The following ENOX2 variants were observed in gnomAD, a reference collection of about 807,000 sequenced individuals.
ENOX2 encodes the protein APK1 antigen.
ENOX2 carries 36 observed loss-of-function variants against 45.0 expected under a neutral mutation model. The observed-to-expected ratio is 0.80, with a 90% confidence interval of 0.61 to 1.06. The LOEUF (loss-of-function observed/expected upper bound fraction) is 1.06, where lower values mean the gene tolerates loss of function less well. Ranked by LOEUF, ENOX2 falls within the 50% of genes least tolerant of loss-of-function variation. The probability of loss-of-function intolerance (pLI) is 0.00; values close to 1 mark genes in which losing one functional copy is unlikely to be tolerated. For missense variants in ENOX2, 423 were observed against 462.5 expected (o/e 0.91, Z 0.78); for synonymous variants, 174 against 152.3 (o/e 1.14, Z -1.05).
intron 2 of ENOX2, among the ~76,000 whole-genome samples, chrX:130,857,546 TACTGTACA>T (rs1455185827): frequency 1.8e-5 from 2 of 112,107 alleles, no homozygotes; most frequent in Admixed American, 1.9e-4. Context: ...CCTAGAGATC[TACTGTACA>T]ACATAGCACC....
intron 2 of ENOX2, among the ~76,000 whole-genome samples, chrX:130,808,339 G>A (rs752265267): frequency 8.9e-6 from 1 of 112,138 alleles, no homozygotes; most frequent in East Asian, 2.8e-4. Flanking sequence ...GAAACATTTG[G>A]TGTCTCTTAC....
At position 130,656,627 on chromosome X, in the gene ENOX2, A is replaced by G; in HGVS notation, c.1083T>C (p.Asp361=). Residue 361 remains aspartate, a synonymous_variant, in exon 10 of 15, where the codon GAT becomes GAC. Coordinates refer to ENST00000394363, the MANE Select transcript of ENOX2 (RefSeq NM_006375.4). The stretch of plus-strand genomic sequence containing the variant: ...TTTCTGTCATTTCTTCTATTTCATC[A>G]TCAGACATTTCCATTTCTTCTTCTC... ...IRREEEMEMS[D]DEIEEMTETK... The G allele has an allele frequency of 1.7e-6, 2 of 1,180,852 alleles. No individual in the cohort carries two copies. The highest frequency in any genetic ancestry group is 2.3e-6 in the Non-Finnish European group (2 of 870,381).
intron 2 of ENOX2, among the ~76,000 whole-genome samples, chrX:130,844,261 T>A (rs1214559496): frequency 9.0e-6 from 1 of 111,704 alleles, no homozygotes; most frequent in Non-Finnish European, 1.9e-5. Flanking sequence ...CAAACCTCAC[T>A]TAGTCCCTCC....
chrX:130,645,636 G>C, intron 10 of ENOX2: 1 of 415,675 alleles, frequency 2.4e-6, no homozygotes, highest in Non-Finnish European at 4.1e-6. Flanking sequence ...GCCCGCGCCC[G>C]CCTGGAGGGA....
At chrX:130,823,048 A>G (rs888176921) in intron 2 of ENOX2, among the ~76,000 whole-genome samples, 2 of 111,894 alleles carry the variant, frequency 1.8e-5, no homozygotes, top group Non-Finnish European at 3.8e-5. Context: ...GGGTAGAGTG[A>G]CCATGCCTAT....
intron 4 of ENOX2, 30 bp downstream of exon 4, chrX:130,703,090 G>C: frequency 1.7e-6 from 2 of 1,181,037 alleles, no homozygotes; most frequent in Non-Finnish European, 2.3e-6. Context: ...ATAAAAATAA[G>C]CACTTGCGAG....
chrX:130,656,226 C>G (rs923376153), intron 10 of ENOX2, among the ~76,000 whole-genome samples: 1 of 112,601 alleles, frequency 8.9e-6, no homozygotes, highest in African/African-American at 3.2e-5. Flanking sequence ...ATCTGTTGTT[C>G]AAAAAGTTTG....
intron 2 of ENOX2, among the ~76,000 whole-genome samples, chrX:130,839,278 C>T (rs901205949): frequency 9.0e-6 from 1 of 111,517 alleles, no homozygotes; most frequent in Non-Finnish European, 1.9e-5. Flanking sequence ...TGCCACTAAC[C>T]TACCTAGTGT....
Position 130,635,083 on chromosome X carries a change from G to C in ENOX2, c.1320C>G (p.Leu440=). The C allele has an allele frequency of 1.8e-6, 2 of 1,105,100 alleles. No individual in the cohort carries two copies. Among genetic ancestry groups the C allele is most frequent in the Non-Finnish European group, 2.5e-6 (2 of 806,674 alleles). The allele number at this position is 1,105,100 out of a possible 1,213,427, so 91.1% of individuals were successfully genotyped here. A position where few individuals can be genotyped will look rare whatever the true frequency, so the allele number is the denominator to read the frequency against. The change falls in exon 12 of 15, where the codon CTC becomes CTG. Residue 440 remains leucine (L), a synonymous_variant. Coordinates refer to ENST00000394363, the MANE Select transcript of ENOX2 (RefSeq NM_006375.4). The part of the protein sequence containing the change: ...QALQGMQQHL[L]KVQEEYKKKE... ...TCTTTTTGTATTCCTCTTGGACTTT[G>C]AGTAGATGCTACAAGAAAAGACCAA...
chrX:130,670,594 G>T (rs1477866504), intron 6 of ENOX2, among the ~76,000 whole-genome samples: 1 of 110,575 alleles, frequency 9.0e-6, no homozygotes, highest in Non-Finnish European at 1.9e-5. Flanking sequence ...AAACGAACTT[G>T]TCTTTAAATA....
intron 2 of ENOX2, among the ~76,000 whole-genome samples, chrX:130,792,036 T>G (rs1485504479): frequency 8.9e-6 from 1 of 112,316 alleles, no homozygotes; most frequent in African/African-American, 3.2e-5. Context: ...GTCTTTGATA[T>G]GTGGTACATA....
intron 3 of ENOX2, among the ~76,000 whole-genome samples, chrX:130,774,705 A>C (rs1183984447): frequency 8.9e-6 from 1 of 112,199 alleles, no homozygotes. Context: ...CAAATTTATA[A>C]AAATGAAATC....
At chrX:130,836,538 G>C (rs1199623214) in intron 2 of ENOX2, among the ~76,000 whole-genome samples, 1 of 111,467 alleles carries the variant, frequency 9.0e-6, no homozygotes, top group East Asian at 2.8e-4. Flanking sequence ...AGGAGCAACT[G>C]ATTGAAGAGT....
At chrX:130,702,501 T>C (rs1168147230) in intron 4 of ENOX2, among the ~76,000 whole-genome samples, 1 of 112,182 alleles carries the variant, frequency 8.9e-6, no homozygotes, top group East Asian at 2.8e-4. Flanking sequence ...TTTATTGTAA[T>C]AATTAATTAG....
In ENOX2 at chrX:130,665,741, T is replaced by C. The variant is rs2036818360; in HGVS notation, c.916A>G (p.Ile306Val). 1 of 1,175,055 alleles carries C rather than the reference T, an allele frequency of 8.5e-7. No individual in the cohort carries two copies. Among genetic ancestry groups the C allele is most frequent in the Non-Finnish European group, 1.2e-6 (1 of 865,475 alleles). ...LSGILIQFEQ[I>V]VAVYHSASKQ... ...GAGGCGGAATGGTACACAGCCACTA[T>C]CTGCTCAACTGCAGCATCAAATCAG... The change falls in exon 9 of 15, where the codon ATA becomes GTA. Residue 306 changes from isoleucine (I) to valine (V), a missense_variant. Physicochemically the swap from Ile to Val is conservative, Grantham distance 29 (BLOSUM62 3). This residue lies in a region of ENOX2 where 261 missense variants were observed against 306.8 expected (regional missense o/e 0.85). Coordinates refer to ENST00000394363, the MANE Select transcript of ENOX2 (RefSeq NM_006375.4).
chrX:130,830,776 T>C (rs1463595502), intron 2 of ENOX2, among the ~76,000 whole-genome samples: 1 of 111,923 alleles, frequency 8.9e-6, no homozygotes, highest in Non-Finnish European at 1.9e-5. Context: ...CAAGTCACCA[T>C]GTTCTCTTAT....
intron 2 of ENOX2, among the ~76,000 whole-genome samples, chrX:130,797,692 C>A (rs2077154764): frequency 9.0e-6 from 1 of 111,691 alleles, no homozygotes; most frequent in African/African-American, 3.3e-5. Flanking sequence ...GCCTCCTGAG[C>A]AGATGCAATG....
chrX:130,872,632 C>T (rs148834501), intron 2 of ENOX2, among the ~76,000 whole-genome samples: 20 of 112,035 alleles, frequency 1.8e-4, no homozygotes, highest in African/African-American at 5.8e-4. Flanking sequence ...ATCACGCTAC[C>T]TGATGTCAAA....
chrX:130,755,275 T>C (rs2039327577), intron 3 of ENOX2, among the ~76,000 whole-genome samples: 1 of 112,029 alleles, frequency 8.9e-6, no homozygotes, highest in Admixed American at 9.4e-5. Context: ...CCTTATAAGG[T>C]TGTTATCAGA....
Sources: gnomAD v4.1 joint callset for allele counts (sites outside exome capture counted in the v4.1 genomes callset) on GRCh38, gnomAD v4.1.1 for gene constraint, gnomAD v4.1.1 regional missense constraint, MANE v1.5 for transcripts, NCBI Gene and HGNC (gene_info 2026-07-23, HGNC 2026-07-21) for gene names.